Variants in GRIK4 observed in about 807,000 individuals in gnomAD.
GRIK4 encodes glutamate ionotropic receptor kainate type subunit 4.
Under a neutral mutation model 104.9 loss-of-function variants are expected in GRIK4, and 40 were observed. The observed-to-expected ratio is 0.38, with a 90% CI of 0.30 to 0.50. The LOEUF (loss-of-function observed/expected upper bound fraction) is 0.50, where lower values mean the gene tolerates loss of function less well. Among genes scored for constraint, GRIK4 ranks in the 20% least tolerant of loss-of-function variants. The pLI is 0.93. For missense variants in GRIK4, 1,047 were observed against 1,308.1 expected (o/e 0.80, Z 3.08); for synonymous variants, 485 against 524.9 (o/e 0.92, Z 1.04).
In GRIK4 at chr11:120,796,313, G is replaced by A. The variant is rs1031189202; in HGVS notation, c.83-6380G>A. ...GCCTCCCAAAGTGCTGGGATTACAG[G>A]CGTGAGCCATCGTGCCTGGCCTTTT... On this transcript the variant is annotated intron_variant, in intron 3 of 20. Transcript: ENST00000527524. Among the ~76,000 whole-genome samples, 163 of 152,312 alleles carry A rather than the reference G, an allele frequency of 1.1e-3. 1 individual carries two copies. The highest frequency in any genetic ancestry group is 3.8e-3 in the African/African-American group (157 of 41,562).
intron 1 of GRIK4, among the ~76,000 whole-genome samples, chr11:120,584,317 G>A (rs1948628426): frequency 6.6e-6 from 1 of 152,152 alleles, no homozygotes; most frequent in Admixed American, 6.5e-5. Context: ...TTGCTATAAA[G>A]AAATACCTGA....
At chr11:120,923,037 C>T (rs187811623) in intron 13 of GRIK4, among the ~76,000 whole-genome samples, 7 of 152,314 alleles carry the variant, frequency 4.6e-5, no homozygotes, top group East Asian at 3.9e-4. Context: ...ACGGACCTGC[C>T]GTGTCCTAGG....
intron 1 of GRIK4, among the ~76,000 whole-genome samples, chr11:120,593,527 G>A (rs971583799): frequency 2.0e-5 from 3 of 151,776 alleles, no homozygotes; most frequent in South Asian, 2.1e-4. Context: ...TGTCTTTCTC[G>A]TATCCCTTTC....
At chr11:120,686,747 G>A (rs938634874) in intron 3 of GRIK4, among the ~76,000 whole-genome samples, 2 of 152,142 alleles carry the variant, frequency 1.3e-5, no homozygotes, top group African/African-American at 2.4e-5. Flanking sequence ...ATGTTTTATC[G>A]GCATACATTA....
At chr11:120,829,911 C>T (rs1029282904) in intron 6 of GRIK4, among the ~76,000 whole-genome samples, 19 of 152,210 alleles carry the variant, frequency 1.2e-4, no homozygotes, top group African/African-American at 4.3e-4. Flanking sequence ...GCACAGATGG[C>T]GGCAGCAGAG....
intron 1 of GRIK4, among the ~76,000 whole-genome samples, chr11:120,525,248 G>A (rs549061703): frequency 6.6e-6 from 1 of 152,306 alleles, no homozygotes; most frequent in South Asian, 2.1e-4. Flanking sequence ...TCACAAGTGA[G>A]GGCATTGAGG....
chr11:120,933,643 T>C (rs1943526964), intron 13 of GRIK4, among the ~76,000 whole-genome samples: 1 of 152,078 alleles, frequency 6.6e-6, no homozygotes, highest in African/African-American at 2.4e-5. Context: ...CTTATTGATA[T>C]GGCAGCGCTC....
intron 3 of GRIK4, among the ~76,000 whole-genome samples, chr11:120,660,687 G>A (rs554168665): frequency 3.2e-4 from 49 of 152,288 alleles, no homozygotes; most frequent in Admixed American, 1.4e-3. Context: ...GGCAGCTGTC[G>A]GGGAAAAAGG....
intron 8 of GRIK4, among the ~76,000 whole-genome samples, chr11:120,842,047 A>T (rs1261920175): frequency 6.6e-6 from 1 of 152,238 alleles, no homozygotes; most frequent in Non-Finnish European, 1.5e-5. Flanking sequence ...TATGTAAAAT[A>T]TGAATAATAA....
chr11:120,582,918 T>C (rs1175111993), intron 1 of GRIK4, among the ~76,000 whole-genome samples: 1 of 152,218 alleles, frequency 6.6e-6, no homozygotes, highest in East Asian at 1.9e-4. Context: ...TCTAAGTTCC[T>C]GGAGAAATTG....
In GRIK4 at chr11:120,967,382, C is replaced by T. The variant is rs1025314345; in HGVS notation, c.2395+59C>T. 1.7e-5 allele frequency: 26 copies of T among 1,536,142 alleles called. No homozygotes were observed. The highest frequency in any genetic ancestry group is 5.5e-5 in the African/African-American group (4 of 72,504). On this transcript the variant is annotated intron_variant, in intron 19 of 20. Coordinates refer to ENST00000527524, the MANE Select transcript of GRIK4 (RefSeq NM_014619.5). The surrounding 1 kb of genome is among the most constrained non-coding windows in gnomAD (Gnocchi z 4.2). ...TAGAGGACCAAAGTAGCTTGTTTCT[C>T]GTGTTCAAATTCCAGGTACACATAA...
chr11:120,736,610 G>T (rs1472919427), intron 3 of GRIK4, among the ~76,000 whole-genome samples: 1 of 152,154 alleles, frequency 6.6e-6, no homozygotes, highest in South Asian at 2.1e-4. Context: ...TGAATAATTA[G>T]AATAATTATG....
intron 3 of GRIK4, among the ~76,000 whole-genome samples, chr11:120,696,396 G>A (rs1950449400): frequency 6.6e-6 from 1 of 151,890 alleles, no homozygotes; most frequent in Non-Finnish European, 1.5e-5. Flanking sequence ...CTTGAAAAGA[G>A]CCTCAGCCTT....
At chr11:120,523,231 C>T (rs1315653180) in intron 1 of GRIK4, among the ~76,000 whole-genome samples, 1 of 150,986 alleles carries the variant, frequency 6.6e-6, no homozygotes, top group East Asian at 1.9e-4. Context: ...ACGTAACGGT[C>T]CTGCCAGAGT....
At chr11:120,737,603 G>A (rs1455618691) in intron 3 of GRIK4, among the ~76,000 whole-genome samples, 5 of 152,050 alleles carry the variant, frequency 3.3e-5, no homozygotes, top group Non-Finnish European at 7.4e-5. Flanking sequence ...AGATGAAGGA[G>A]GAATCCGTAA....
intron 12 of GRIK4, among the ~76,000 whole-genome samples, chr11:120,900,810 C>T (rs1942715024): frequency 6.6e-6 from 1 of 152,198 alleles, no homozygotes; most frequent in Admixed American, 6.5e-5. Flanking sequence ...ACGCCCATCT[C>T]TGCTCAGCCT....
chr11:120,853,452 T>C (rs781203699), intron 8 of GRIK4, among the ~76,000 whole-genome samples: 1 of 152,016 alleles, frequency 6.6e-6, no homozygotes, highest in Non-Finnish European at 1.5e-5. Flanking sequence ...AGGATCTGAT[T>C]TGAGTTAGAG....
intron 3 of GRIK4, among the ~76,000 whole-genome samples, chr11:120,680,285 C>T (rs35344759): frequency 0.012 from 1,764 of 152,292 alleles, 24 homozygotes; most frequent in Non-Finnish European, 0.018. Flanking sequence ...GCCATGTTGG[C>T]CAGGCTGGTC....
chr11:120,756,255 A>G (rs989468070), intron 3 of GRIK4, among the ~76,000 whole-genome samples: 6 of 152,128 alleles, frequency 3.9e-5, no homozygotes, highest in African/African-American at 1.4e-4. Flanking sequence ...CACGCTATAT[A>G]CTATGCTCCT....
Sources: gnomAD v4.1 joint callset for allele counts (sites outside exome capture counted in the v4.1 genomes callset) on GRCh38, gnomAD v4.1.1 for gene constraint, Gnocchi (gnomAD v3.1) non-coding constraint, MANE v1.5 for transcripts, NCBI Gene and HGNC (gene_info 2026-07-23, HGNC 2026-07-21) for gene names.